The following SPEF2 variants were observed in gnomAD, a reference collection of about 807,000 sequenced individuals.
The protein encoded by SPEF2 is sperm flagella and cilia-associated protein 2.
In SPEF2, 187 loss-of-function variants were observed where a neutral mutation model predicts 224.6. The observed-to-expected ratio is 0.83, with a 90% CI of 0.74 to 0.94. The LOEUF (loss-of-function observed/expected upper bound fraction) is 0.94. Among genes scored for constraint, SPEF2 ranks in the 40% least tolerant of loss-of-function variants. SPEF2 has a pLI of 0.00. For synonymous variants in SPEF2, 715 were observed against 707.3 expected (o/e 1.01, Z -0.17); for missense variants, 2,170 against 2,135.6 (o/e 1.02, Z -0.32).
chr5:35,731,389 C>T (rs1030914409), intron 21 of SPEF2, among the ~76,000 whole-genome samples: 1 of 152,150 alleles, frequency 6.6e-6, no homozygotes, highest in Non-Finnish European at 1.5e-5. Context: ...TTTTTAGGTG[C>T]CCAGTACCCC....
chr5:35,693,422 G>C (rs116697964), intron 12 of SPEF2, among the ~76,000 whole-genome samples: 26 of 152,124 alleles, frequency 1.7e-4, no homozygotes, highest in Admixed American at 3.9e-4. Flanking sequence ...ATCTATATTA[G>C]TAGATCTCAA....
intron 23 of SPEF2, among the ~76,000 whole-genome samples, chr5:35,744,347 G>A (rs891961742): frequency 6.6e-6 from 1 of 152,172 alleles, no homozygotes; most frequent in Non-Finnish European, 1.5e-5. Context: ...GCTAAATAAA[G>A]TGTGAAAACC....
chr5:35,751,045 A>ATACG (rs1554048673), intron 23 of SPEF2, among the ~76,000 whole-genome samples: 9 of 64,336 alleles, frequency 1.4e-4, no homozygotes, highest in African/African-American at 4.6e-4. Context: ...ACACATATGT[A>ATACG]TATATATATA....
chr5:35,806,623 T>C lies in SPEF2; in HGVS notation c.5011-84T>C, dbSNP rs1200646656. The C allele has an allele frequency of 2.0e-6, 3 of 1,498,558 alleles. No individual in the cohort carries two copies. The African/African-American group carries it at 4.2e-5, about 21-fold the overall frequency. The allele number at this position is 1,498,558 out of a possible 1,614,324, so 92.8% of individuals were successfully genotyped here. A position where few individuals can be genotyped will look rare whatever the true frequency, so the allele number is the denominator to read the frequency against. On this transcript the variant is annotated intron_variant, in intron 34 of 36. Coordinates refer to ENST00000356031, the MANE Select transcript of SPEF2 (RefSeq NM_024867.4). ...TCTGTCATTCATGAAAAGTGTGTGA[T>C]TATGAAATTGGTATATTCTAAAAGT...
chr5:35,729,143 C>T (rs142861718), intron 21 of SPEF2, among the ~76,000 whole-genome samples: 24 of 152,172 alleles, frequency 1.6e-4, no homozygotes, highest in Admixed American at 6.5e-4. Flanking sequence ...TTCCAGCATT[C>T]GGGATTCTAT....
In SPEF2 at chr5:35,667,072, G is replaced by A. The variant is rs1317855251; in HGVS notation, c.1168G>A (p.Ala390Thr). The A allele has an allele frequency of 3.8e-6, 6 of 1,595,680 alleles. No individual in the cohort carries two copies. The highest frequency in any genetic ancestry group is 2.3e-5 in the East Asian group (1 of 44,384). The change falls in exon 9 of 37, where the codon GCT (alanine) becomes ACT (threonine). Residue 390 changes from alanine to threonine, a missense_variant and splice_region_variant. Ala to Thr is a moderately conservative substitution (Grantham distance 58). Coordinates refer to ENST00000356031, the MANE Select transcript of SPEF2 (RefSeq NM_024867.4). ...TAAAAATATGTTTTTGCCTTTTTAGGCTTTGGCAAAACAAGCCAAGATTGA... is the reference window on the plus strand; with the variant it reads ...TAAAAATATGTTTTTGCCTTTTTAGACTTTGGCAAAACAAGCCAAGATTGA... ...DFQDALDREA[A>T]LAKQAKIDFE...
chr5:35,699,207 G>A (rs143454369), intron 15 of SPEF2: 1 of 152,112 alleles, frequency 6.6e-6, no homozygotes, highest in African/African-American at 2.4e-5. Flanking sequence ...AGGCCCCAAA[G>A]TAGACTCAGA....
At chr5:35,783,888 T>G (rs1475045907) in intron 30 of SPEF2, among the ~76,000 whole-genome samples, 1 of 152,196 alleles carries the variant, frequency 6.6e-6, no homozygotes, top group Admixed American at 6.5e-5. Flanking sequence ...TGTCTGCACT[T>G]AAGCCATAAG....
chr5:35,779,271 A>G lies in SPEF2; in HGVS notation c.4372A>G (p.Lys1458Glu), dbSNP rs1182988044. The change falls in exon 30 of 37, where the codon AAG becomes GAG. Residue 1458 changes from lysine (K) to glutamate (E), a missense_variant. Coordinates refer to ENST00000356031, the MANE Select transcript of SPEF2 (RefSeq NM_024867.4). ...ATCAATACGTCCTCCACCTGTAGAA[A>G]AGGAAGAAGATGGTACCCTGACCAT... ...PPSIRPPPVE[K>E]EEDGTLTIEQ... The G allele has an allele frequency of 1.2e-6, 2 of 1,614,006 alleles. No homozygotes were observed. The highest frequency in any genetic ancestry group is 1.6e-4 in the Middle Eastern group (1 of 6,062).
rs371686350 is a variant in SPEF2, at chr5:35,716,499, A to G, written c.2914+3613A>G. ...ATGCTCTAAGAGCATCCTTAATAAAAGCATACGGACTCCAAACAATTCATA... is the reference window on the plus strand; with the variant it reads ...ATGCTCTAAGAGCATCCTTAATAAAGGCATACGGACTCCAAACAATTCATA... On this transcript the variant is annotated intron_variant, in intron 20 of 36. Coordinates refer to ENST00000356031, the MANE Select transcript of SPEF2 (RefSeq NM_024867.4). Among the ~76,000 whole-genome samples the G allele has an allele frequency of 2.0e-3, 302 of 152,298 alleles. 10 individuals are homozygous for G. The South Asian group carries it at 0.061, about 31-fold the overall frequency.
intron 2 of SPEF2, among the ~76,000 whole-genome samples, chr5:35,637,688 C>G (rs186047593): frequency 6.6e-6 from 1 of 152,152 alleles, no homozygotes; most frequent in African/African-American, 2.4e-5. Context: ...TAACCCATAC[C>G]TACATCTCAT....
intron 20 of SPEF2, among the ~76,000 whole-genome samples, chr5:35,724,008 C>A (rs556569726): frequency 6.6e-6 from 1 of 152,096 alleles, no homozygotes; most frequent in Non-Finnish European, 1.5e-5. Flanking sequence ...AACAAACTAC[C>A]TCTTATAAAG....
intron 9 of SPEF2, among the ~76,000 whole-genome samples, chr5:35,668,157 G>A (rs895540526): frequency 4.6e-5 from 7 of 152,004 alleles, no homozygotes; most frequent in African/African-American, 1.4e-4. Flanking sequence ...TACACTTCTG[G>A]GCATTTATCC....
intron 10 of SPEF2, among the ~76,000 whole-genome samples, chr5:35,687,463 T>C (rs1284929566): frequency 1.3e-5 from 2 of 152,136 alleles, no homozygotes; most frequent in African/African-American, 2.4e-5. Flanking sequence ...TCTTGCACTT[T>C]AACATTTTTT....
intron 30 of SPEF2, among the ~76,000 whole-genome samples, chr5:35,783,419 G>A (rs1754619836): frequency 6.6e-6 from 1 of 152,122 alleles, no homozygotes; most frequent in African/African-American, 2.4e-5. Flanking sequence ...TTGTTATGAA[G>A]ATTAAAGTAA....
intron 24 of SPEF2, among the ~76,000 whole-genome samples, chr5:35,757,219 A>C (rs544042997): frequency 1.3e-5 from 2 of 152,092 alleles, no homozygotes; most frequent in African/African-American, 4.8e-5. Context: ...TCTTGGATAT[A>C]GTATGGCATC....
chr5:35,743,346 A>G (rs1747983807), intron 23 of SPEF2, among the ~76,000 whole-genome samples: 1 of 152,086 alleles, frequency 6.6e-6, no homozygotes, highest in African/African-American at 2.4e-5. Context: ...AGGCAGAGAA[A>G]CCTCTAGAAA....
At chr5:35,796,504 C>T (rs556347011) in intron 33 of SPEF2, among the ~76,000 whole-genome samples, 6 of 151,238 alleles carry the variant, frequency 4.0e-5, no homozygotes, top group South Asian at 2.1e-4. Flanking sequence ...CCCAGCTACT[C>T]GGGAGGTTGA....
chr5:35,719,423 A>T (rs1434937771), intron 20 of SPEF2, among the ~76,000 whole-genome samples: 2 of 152,228 alleles, frequency 1.3e-5, no homozygotes, highest in East Asian at 3.8e-4. Context: ...CATAAAGTGC[A>T]GCAAGAATAA....
Sources: allele counts gnomAD v4.1 joint callset (sites outside exome capture counted in the v4.1 genomes callset), GRCh38; gene constraint gnomAD v4.1.1; transcripts MANE v1.5; gene names NCBI Gene and HGNC (gene_info 2026-07-23, HGNC 2026-07-21).